TLN1: variants seen among roughly 807,000 people sequenced by gnomAD.
TLN1 encodes talin-1.
In TLN1, 56 loss-of-function variants were observed where a neutral mutation model predicts 292.3. That is an observed-to-expected ratio of 0.19 (90% CI 0.15 to 0.24). The LOEUF (loss-of-function observed/expected upper bound fraction) is 0.24, where lower values mean the gene tolerates loss of function less well. Ranked by LOEUF, TLN1 falls within the 10% of genes least tolerant of loss-of-function variation. The pLI is 1.00. For missense variants in TLN1, 2,433 were observed against 3,248.2 expected (o/e 0.75, Z 6.10); for synonymous variants, 1,119 against 1,253.7 (o/e 0.89, Z 2.27).
chr9:35,697,910 C>T lies in TLN1; in HGVS notation c.7507G>A (p.Ala2503Thr), dbSNP rs148513341. 18 of 1,614,134 alleles carry T rather than the reference C, an allele frequency of 1.1e-5. No homozygotes were observed. The highest frequency in any genetic ancestry group is 1.6e-4 in the Middle Eastern group (1 of 6,062). ...TTCCGAAGCATTTCTTCCTGTGCTGCGATGATCTGAGGGTGGAGATCGGGG... is the reference window on the plus strand; with the variant it reads ...TTCCGAAGCATTTCTTCCTGTGCTGTGATGATCTGAGGGTGGAGATCGGGG... ...KMVGGIAQII[A>T]AQEEMLRKER... The change falls in exon 57 of 57, where the codon GCA (alanine) becomes ACA (threonine). Residue 2503 changes from alanine (A) to threonine (T), a missense_variant. By Grantham distance (58) the Ala-to-Thr change is moderately conservative. This residue lies in a region of TLN1 where 141 missense variants were observed against 248.5 expected (regional missense o/e 0.57). Coordinates refer to ENST00000314888, the MANE Select transcript of TLN1 (RefSeq NM_006289.4).
chr9:35,699,104 G>C lies in TLN1; in HGVS notation c.6927C>G (p.Leu2309=), dbSNP rs756499491. 4.3e-6 allele frequency: 7 copies of C among 1,613,864 alleles called. No individual in the cohort carries two copies. Among genetic ancestry groups the C allele is most frequent in the Non-Finnish European group, 5.9e-6 (7 of 1,179,934 alleles). ...CCTCAATGGCGGCTGCAGCTCCCAG[G>C]AGCTCATTCTCAGCAATGACTGTGG... ...EDPTVIAENE[L]LGAAAAIEAA... Residue 2309 remains leucine (L), a synonymous_variant, in exon 52 of 57, where the codon CTC becomes CTG. Transcript: ENST00000314888. The surrounding 1 kb of genome is among the most constrained non-coding windows in gnomAD (Gnocchi z 4.0).
At chr9:35,728,376 C>T (rs929794530) in intron 1 of TLN1, among the ~76,000 whole-genome samples, 10 of 152,084 alleles carry the variant, frequency 6.6e-5, no homozygotes, top group Admixed American at 3.9e-4. Flanking sequence ...CCTCTGAGTC[C>T]GCAACCGCTG....
At position 35,706,922 on chromosome 9, in the gene TLN1, C is replaced by T. The variant is rs1426111433; in HGVS notation, c.4956-22G>A. The T allele has an allele frequency of 7.4e-6, 12 of 1,612,714 alleles. No individual in the cohort carries two copies. In the East Asian group the frequency reaches 1.6e-4, roughly 21 times the overall value. On this transcript the variant is annotated intron_variant, in intron 37 of 56. Coordinates refer to ENST00000314888, the MANE Select transcript of TLN1 (RefSeq NM_006289.4). The surrounding 1 kb of genome is among the most constrained non-coding windows in gnomAD (Gnocchi z 4.2). Reference sequence around the variant, plus strand: ...GTCCCTGCAGACACATCATGGGCTCCAACACCAAGAACATCCCCTACTGCA... The same window carrying T: ...GTCCCTGCAGACACATCATGGGCTCTAACACCAAGAACATCCCCTACTGCA...
chr9:35,728,801 C>T (rs973031994), intron 1 of TLN1, among the ~76,000 whole-genome samples: 1 of 152,164 alleles, frequency 6.6e-6, no homozygotes, highest in Non-Finnish European at 1.5e-5. Flanking sequence ...GTGGGGAAGA[C>T]CCTGGGCCAA....
At chr9:35,711,134 G>A in intron 30 of TLN1, 52 bp from the exon 31 acceptor site, 2 of 1,610,776 alleles carry the variant, frequency 1.2e-6, no homozygotes, top group Non-Finnish European at 1.7e-6. Context: ...TCATTCCTGG[G>A]TCCTATGTAA....
At position 35,714,835 on chromosome 9, in the gene TLN1, G is replaced by A. The variant is rs751064011; in HGVS notation, c.2796C>T (p.Ile932=). The A allele has an allele frequency of 1.1e-5, 18 of 1,571,926 alleles. No individual in the cohort carries two copies. The highest frequency in any genetic ancestry group is 1.7e-4 in the Middle Eastern group (1 of 5,852). Residue 932 remains isoleucine, a synonymous_variant, in exon 22 of 57, where the codon ATC becomes ATT. Coordinates refer to ENST00000314888, the MANE Select transcript of TLN1 (RefSeq NM_006289.4). The surrounding 1 kb of genome is among the most constrained non-coding windows in gnomAD (Gnocchi z 4.6). ...KQAAASATQT[I]AAAQHAASTP... is the part of the protein sequence containing the mutation. ...TAGAGGCTGCGTGCTGAGCTGCAGC[G>A]ATGGTCTGTGTGGCTGAGGCTGCAG...
intron 33 of TLN1, among the ~76,000 whole-genome samples, chr9:35,709,150 A>T (rs1329037039): frequency 6.6e-6 from 1 of 151,974 alleles, no homozygotes; most frequent in Non-Finnish European, 1.5e-5. Context: ...CAAAAATCAG[A>T]CGGGTGTGGT....
chr9:35,702,501 GT>G (rs796255949), intron 48 of TLN1, among the ~76,000 whole-genome samples: 1 of 150,306 alleles, frequency 6.7e-6, no homozygotes, highest in Admixed American at 6.6e-5. Context: ...TTTCTTTTTT[GT>G]TTTTTTTTGA....
chr9:35,712,870 G>A lies in TLN1; in HGVS notation c.3526C>T (p.Pro1176Ser). The change falls in exon 27 of 57, where the codon CCA becomes TCA. Residue 1176 changes from proline to serine, a missense_variant. This residue lies in a region of TLN1 where 1,384 missense variants were observed against 1,699.6 expected (regional missense o/e 0.81). Coordinates refer to ENST00000314888, the MANE Select transcript of TLN1 (RefSeq NM_006289.4). ...IEEAKKAAGHPGDPESQQRLA... is the reference protein window; with the variant it reads ...IEEAKKAAGHSGDPESQQRLA... ...CGCTGCTGGCTCTCAGGGTCCCCTGGATGGCCAGCTGCCTTTTTCGCCTCC... is the reference window on the plus strand; with the variant it reads ...CGCTGCTGGCTCTCAGGGTCCCCTGAATGGCCAGCTGCCTTTTTCGCCTCC... 1 of 1,593,836 alleles carries A rather than the reference G, an allele frequency of 6.3e-7. No homozygotes were observed. Among genetic ancestry groups the A allele is most frequent in the Non-Finnish European group, 8.6e-7 (1 of 1,169,272 alleles).
chr9:35,716,844 G>T (rs1825792630), intron 19 of TLN1, among the ~76,000 whole-genome samples: 1 of 152,154 alleles, frequency 6.6e-6, no homozygotes, highest in Non-Finnish European at 1.5e-5. Context: ...AAAACTTTTG[G>T]GGTCAGGGGT....
intron 12 of TLN1, 87 bp from the exon 13 acceptor site, chr9:35,720,306 G>C: frequency 4.6e-6 from 7 of 1,534,714 alleles, no homozygotes; most frequent in Non-Finnish European, 5.3e-6. Context: ...AGGTGTGTGA[G>C]GTCTCACTAC....
At chr9:35,720,391 C>T (rs1825860364) in intron 12 of TLN1, 42 bp downstream of exon 12, 1 of 1,607,440 alleles carries the variant, frequency 6.2e-7, no homozygotes, top group Non-Finnish European at 8.5e-7. Context: ...GCCTTGCCTT[C>T]TCTACCCCTG....
In TLN1 at chr9:35,717,011, T is replaced by G; in HGVS notation, c.2458+135A>C. 1.0e-6 allele frequency: 1 copy of G among 952,514 alleles called. No individual in the cohort carries two copies. Among genetic ancestry groups the G allele is most frequent in the Non-Finnish European group, 1.5e-6 (1 of 647,666 alleles). The allele number at this position is 952,514 out of a possible 1,614,324, so 59.0% of individuals were successfully genotyped here. A position where few individuals can be genotyped will look rare whatever the true frequency, so the allele number is the denominator to read the frequency against. On this transcript the variant is annotated intron_variant, in intron 19 of 56. Transcript: ENST00000314888. This position sits in a 1 kb window ranked among gnomAD's most constrained non-coding sequence, Gnocchi z 4.7. ...TCAGAGAGCTTTAATGATGAGCCTA[T>G]GGTTGTGTGGCTGGCAAGCCCACAC...
chr9:35,711,370 C>T lies in TLN1; in HGVS notation c.3904G>A (p.Val1302Met). The T allele has an allele frequency of 6.2e-7, 1 of 1,614,210 alleles. No homozygotes were observed. Among genetic ancestry groups the T allele is most frequent in the African/African-American group, 1.3e-5 (1 of 75,056 alleles). Residue 1302 changes from valine to methionine, a missense_variant, in exon 30 of 57, where the codon GTG (valine) becomes ATG (methionine). Coordinates refer to ENST00000314888, the MANE Select transcript of TLN1 (RefSeq NM_006289.4). The part of the protein sequence containing the change: ...APSQEDRAQV[V>M]SNLKGISMSS... ...ATGGAGATGCCCTTCAAGTTGGACA[C>T]AACTTGGGCTCGGTCCTCCTGGCTC... is the stretch of plus-strand genomic sequence containing the variant.
Position 35,719,636 on chromosome 9 carries a change from G to C in TLN1, c.1579-9C>G, listed in dbSNP as rs551959240. 9.3e-6 allele frequency: 15 copies of C among 1,613,818 alleles called. No homozygotes were observed. In the South Asian group the frequency reaches 1.6e-4, roughly 18 times the overall value. ...CGCCAGGCCTTAGAGGCCTGAAAGA[G>C]AGAGGAAAAGCCTTCAGGATCTGCC... On this transcript the variant is annotated splice_polypyrimidine_tract_variant and intron_variant, in intron 14 of 56. Transcript: ENST00000314888. The surrounding 1 kb of genome is among the most constrained non-coding windows in gnomAD (Gnocchi z 4.6).
intron 33 of TLN1, 122 bp downstream of exon 33, chr9:35,710,439 G>T (rs12238473): frequency 2.8e-6 from 4 of 1,406,440 alleles, no homozygotes; most frequent in African/African-American, 2.9e-5. Context: ...GGACAACCCA[G>T]ATTCCATAGA....
intron 32 of TLN1, 27 bp downstream of exon 32, chr9:35,710,770 C>T (rs1241211149): frequency 1.2e-6 from 2 of 1,613,944 alleles, no homozygotes; most frequent in African/African-American, 1.3e-5. Flanking sequence ...ACTGCCCTCT[C>T]TCCTCCGAGT....
chr9:35,724,175 C>A lies in TLN1; in HGVS notation c.654+17G>T. On this transcript the variant is annotated intron_variant, in intron 6 of 56. Coordinates refer to ENST00000314888, the MANE Select transcript of TLN1 (RefSeq NM_006289.4). This position sits in a 1 kb window ranked among gnomAD's most constrained non-coding sequence, Gnocchi z 4.7. ...CCTCCCTATTCCTGCCCCACCCCAG[C>A]CAAGTCCTCTGCATACCTGCACATA... 13 of 1,614,124 alleles carry A rather than the reference C, an allele frequency of 8.1e-6. No individual in the cohort carries two copies. The highest frequency in any genetic ancestry group is 1.1e-5 in the Non-Finnish European group (13 of 1,179,988).
chr9:35,707,591 G>A lies in TLN1; in HGVS notation c.4633-103C>T. On this transcript the variant is annotated intron_variant, in intron 35 of 56. Coordinates refer to ENST00000314888, the MANE Select transcript of TLN1 (RefSeq NM_006289.4). The surrounding 1 kb of genome is among the most constrained non-coding windows in gnomAD (Gnocchi z 5.6). ...CTGGGACTTACAGGATTTGGGGAGA[G>A]GCTAGGTGGTCAGTCTGAATAGAAA... is the stretch of plus-strand genomic sequence containing the variant. 3.8e-6 allele frequency: 6 copies of A among 1,574,574 alleles called. No individual in the cohort carries two copies. Among genetic ancestry groups the A allele is most frequent in the Non-Finnish European group, 5.2e-6 (6 of 1,155,748 alleles).
Sources: gnomAD v4.1 joint callset for allele counts (sites outside exome capture counted in the v4.1 genomes callset) on GRCh38, gnomAD v4.1.1 for gene constraint, gnomAD v4.1.1 regional missense constraint, Gnocchi (gnomAD v3.1) non-coding constraint, MANE v1.5 for transcripts, NCBI Gene and HGNC (gene_info 2026-07-23, HGNC 2026-07-21) for gene names.